The following JPT1 variants were observed in gnomAD, a reference collection of about 807,000 sequenced individuals.
The protein encoded by JPT1 is Jupiter microtubule associated homolog 1.
A neutral mutation model predicts 17.0 loss-of-function variants in JPT1; 5 were observed. The observed-to-expected ratio is 0.29, with a 90% CI of 0.15 to 0.62. The LOEUF is 0.62. Ranked by LOEUF, JPT1 falls within the 20% of genes least tolerant of loss-of-function variation. JPT1 has a pLI of 0.85. For missense variants in JPT1, 158 were observed against 188.1 expected (o/e 0.84, Z 0.94); for synonymous variants, 71 against 73.6 (o/e 0.96, Z 0.18).
intron 4 of JPT1, among the ~76,000 whole-genome samples, chr17:75,140,679 T>C (rs1046618756): frequency 1.3e-5 from 2 of 152,176 alleles, no homozygotes; most frequent in African/African-American, 4.8e-5. Context: ...TTACTGTACC[T>C]CAGCCAGGCA....
chr17:75,148,580 T>A lies in JPT1; in HGVS notation c.148A>T (p.Asn50Tyr), dbSNP rs2074485584. Residue 50 changes from asparagine (N) to tyrosine (Y), a missense_variant, in exon 2 of 5, where the codon AAT (asparagine) becomes TAT (tyrosine). Asn to Tyr is a moderately radical substitution (Grantham distance 143). Transcript: ENST00000409753. ...TTTTCTTCAGGTGTCCCAAAGATAT[T>A]AGAGGCCATTTTGTTCTTCCTCACA... ...QPVRKNKMAS[N>Y]IFGTPEENQA... 1 of 1,614,182 alleles carries A rather than the reference T, an allele frequency of 6.2e-7. No homozygotes were observed. The highest frequency in any genetic ancestry group is 8.5e-7 in the Non-Finnish European group (1 of 1,180,040).
chr17:75,150,961 C>T (rs138790976), intron 1 of JPT1, among the ~76,000 whole-genome samples: 1 of 146,156 alleles, frequency 6.8e-6, no homozygotes, highest in Non-Finnish European at 1.5e-5. Flanking sequence ...TTACACCTTT[C>T]TCCTGCCTTA....
chr17:75,150,374 C>A (rs1201626973), intron 1 of JPT1, among the ~76,000 whole-genome samples: 2 of 152,014 alleles, frequency 1.3e-5, no homozygotes, highest in African/African-American at 4.8e-5. Context: ...CTGCCTCAGC[C>A]CCTGAGTAGC....
chr17:75,146,554 T>C (rs2074438889), intron 4 of JPT1, 112 bp downstream of exon 4: 2 of 737,098 alleles, frequency 2.7e-6, no homozygotes, highest in Admixed American at 2.8e-5. Flanking sequence ...ACTTGGGGCA[T>C]GGCCAGGTTT....
chr17:75,151,397 CCTGTAATCCTAG>C (rs1476060910), intron 1 of JPT1, among the ~76,000 whole-genome samples: 1 of 151,922 alleles, frequency 6.6e-6, no homozygotes, highest in Non-Finnish European at 1.5e-5. Context: ...GTGGCTCATG[CCTGTAATCCTAG>C]CACTTTGAGA....
chr17:75,149,217 G>A (rs754274913), intron 1 of JPT1: 14 of 409,984 alleles, frequency 3.4e-5, no homozygotes, highest in Admixed American at 8.9e-5. Flanking sequence ...TTAGCCAAGC[G>A]TAGTGGCGCA....
chr17:75,147,957 C>T (rs1487035315), intron 2 of JPT1: 2 of 342,528 alleles, frequency 5.8e-6, no homozygotes, highest in African/African-American at 4.1e-5. Flanking sequence ...CAAGATGGCA[C>T]CACTGCACTC....
Position 75,136,254 on chromosome 17 carries a change from T to C in JPT1, c.317-4A>G. On this transcript the variant is annotated splice_region_variant and splice_polypyrimidine_tract_variant and intron_variant, in intron 4 of 4. Coordinates refer to ENST00000409753, the MANE Select transcript of JPT1 (RefSeq NM_016185.4). ...GGCAAGTCTGTGTCCACATTTTCTA[T>C]GAAAACAGGGAATAGAAATAATACT... is the stretch of plus-strand genomic sequence containing the variant. The C allele has an allele frequency of 6.4e-7, 1 of 1,573,698 alleles. No individual in the cohort carries two copies. The highest frequency in any genetic ancestry group is 1.1e-5 in the South Asian group (1 of 87,792).
At chr17:75,148,018 CAAAA>C in intron 2 of JPT1, 1 of 230,406 alleles carries the variant, frequency 4.3e-6, no homozygotes, top group South Asian at 8.2e-5. Context: ...AAAACAAAAA[CAAAA>C]AACTTCAGCA....
chr17:75,149,713 A>G (rs1414994422), intron 1 of JPT1, among the ~76,000 whole-genome samples: 1 of 152,140 alleles, frequency 6.6e-6, no homozygotes, highest in African/African-American at 2.4e-5. Flanking sequence ...CTTATTTTCA[A>G]CTAGATAAAT....
At chr17:75,136,836 C>CG (rs914103504) in intron 4 of JPT1, among the ~76,000 whole-genome samples, 14 of 152,168 alleles carry the variant, frequency 9.2e-5, no homozygotes, top group African/African-American at 3.1e-4. Context: ...TCTAGCTCTA[C>CG]GGCCCCTTCC....
At chr17:75,138,050 G>A (rs921172048) in intron 4 of JPT1, among the ~76,000 whole-genome samples, 8 of 152,024 alleles carry the variant, frequency 5.3e-5, no homozygotes, top group East Asian at 1.9e-4. Context: ...TGTGCCTCCC[G>A]GGTTCAAGCA....
chr17:75,151,910 G>A (rs572585711), intron 1 of JPT1, among the ~76,000 whole-genome samples: 20 of 151,642 alleles, frequency 1.3e-4, no homozygotes, highest in African/African-American at 4.1e-4. Flanking sequence ...CAGAGGTTGC[G>A]GTGAGCAGAG....
chr17:75,142,575 GAGAGGGAGGGAGAGGGAGGGAGGGA>G (rs2074336688), intron 4 of JPT1, among the ~76,000 whole-genome samples: 1 of 91,686 alleles, frequency 1.1e-5, no homozygotes, highest in African/African-American at 4.4e-5. Flanking sequence ...GAGGGGAGGG[GAGAGGGAGGGAGAGGGAGGGAGGGA>G]GGGGAAGGGG....
At chr17:75,138,560 A>G (rs980899269) in intron 4 of JPT1, 1 of 151,754 alleles carries the variant, frequency 6.6e-6, no homozygotes, top group Non-Finnish European at 1.5e-5. Flanking sequence ...GGCGCCCGCC[A>G]CCATGCCCAG....
At chr17:75,151,730 G>C (rs2074557056) in intron 1 of JPT1, among the ~76,000 whole-genome samples, 1 of 152,146 alleles carries the variant, frequency 6.6e-6, no homozygotes, top group African/African-American at 2.4e-5. Context: ...AGCACTTTGG[G>C]AGGCCGAGGC....
chr17:75,144,917 C>A (rs2074394670), intron 4 of JPT1, among the ~76,000 whole-genome samples: 1 of 152,066 alleles, frequency 6.6e-6, no homozygotes, highest in Non-Finnish European at 1.5e-5. Context: ...TCCCCCTAAA[C>A]AGGTCCTATA....
At chr17:75,144,298 G>C (rs1346275091) in intron 4 of JPT1, among the ~76,000 whole-genome samples, 1 of 151,948 alleles carries the variant, frequency 6.6e-6, no homozygotes, top group Non-Finnish European at 1.5e-5. Flanking sequence ...GAGGTGGGAG[G>C]ATCACATGAC....
In JPT1 at chr17:75,154,427, G is replaced by A. The variant is rs528052279; in HGVS notation, c.-30C>T. The stretch of plus-strand genomic sequence containing the variant: ...CCGAGGAGCGAGGTAGGCTGGCGCC[G>A]GAGCAGAACGCTCAAAGGGTCGGAC... On this transcript the variant is annotated 5_prime_UTR_variant, in exon 1 of 5. Coordinates refer to ENST00000409753, the MANE Select transcript of JPT1 (RefSeq NM_016185.4). 20 of 1,544,826 alleles carry A rather than the reference G, an allele frequency of 1.3e-5. No homozygotes were observed. In the African/African-American group the frequency reaches 1.5e-4, roughly 12 times the overall value.
Sources: gnomAD v4.1 joint callset for allele counts (sites outside exome capture counted in the v4.1 genomes callset) on GRCh38, gnomAD v4.1.1 for gene constraint, MANE v1.5 for transcripts, NCBI Gene and HGNC (gene_info 2026-07-23, HGNC 2026-07-21) for gene names.